ARF4: variants seen among roughly 807,000 people sequenced by gnomAD.
ARF4 encodes the protein ADP-ribosylation factor 4.
Under a neutral mutation model 24.3 loss-of-function variants are expected in ARF4, and 5 were observed. The observed-to-expected ratio is 0.21, with a 90% CI of 0.11 to 0.43. The LOEUF (loss-of-function observed/expected upper bound fraction) is 0.43. Ranked by LOEUF, ARF4 falls within the 20% of genes least tolerant of loss-of-function variation. The pLI, the probability that ARF4 is intolerant of heterozygous loss-of-function variation, is 1.00. For missense variants in ARF4, 107 were observed against 213.0 expected (o/e 0.50, Z 3.10); for synonymous variants, 62 against 73.5 (o/e 0.84, Z 0.80).
intron 3 of ARF4, among the ~76,000 whole-genome samples, chr3:57,579,253 C>CAAAAAAAA (rs764058520): frequency 1.7e-4 from 8 of 47,578 alleles, no homozygotes; most frequent in South Asian, 1.4e-3. Flanking sequence ...AACTACATCT[C>CAAAAAAAA]AAAAAAAAAA....
chr3:57,589,188 A>G (rs971598031), intron 1 of ARF4, among the ~76,000 whole-genome samples: 1 of 151,916 alleles, frequency 6.6e-6, no homozygotes, highest in Non-Finnish European at 1.5e-5. Context: ...GGATCACTTG[A>G]CCCCAGGAGG....
chr3:57,579,253 C>CAAAAAAAAAAAAAAAAAA (rs764058520), intron 3 of ARF4, among the ~76,000 whole-genome samples: 1 of 47,612 alleles, frequency 2.1e-5, no homozygotes, highest in Non-Finnish European at 3.5e-5. Flanking sequence ...AACTACATCT[C>CAAAAAAAAAAAAAAAAAA]AAAAAAAAAA....
At chr3:57,573,451 T>C (rs1239949584) in intron 5 of ARF4, among the ~76,000 whole-genome samples, 4 of 152,200 alleles carry the variant, frequency 2.6e-5, no homozygotes, top group Non-Finnish European at 5.9e-5. Flanking sequence ...ACTGCAGGTA[T>C]ACCATGTTGC....
intron 1 of ARF4, among the ~76,000 whole-genome samples, chr3:57,595,953 A>G (rs560253628): frequency 7.1e-6 from 1 of 140,248 alleles, no homozygotes; most frequent in Admixed American, 7.1e-5. Context: ...CTCCGTCTGC[A>G]AAAAAAAAAA....
intron 5 of ARF4, among the ~76,000 whole-genome samples, chr3:57,574,872 G>A (rs541165621): frequency 1.4e-5 from 2 of 145,312 alleles, no homozygotes; most frequent in Non-Finnish European, 1.5e-5. Context: ...TTTTGAGACC[G>A]AGTTTCGCTC....
chr3:57,576,244 T>G (rs2069901286), intron 4 of ARF4, among the ~76,000 whole-genome samples: 1 of 152,122 alleles, frequency 6.6e-6, no homozygotes, highest in African/African-American at 2.4e-5. Context: ...AAGAACACAT[T>G]GTATGTTTTC....
rs1331825323 is a variant in ARF4 at position 57,585,916 on chromosome 3, C to A, written c.68-1452G>T. 2.6e-5 allele frequency among the ~76,000 whole-genome samples: 4 copies of A among 152,086 alleles called. No homozygotes were observed. The East Asian group carries it at 5.8e-4, about 22-fold the overall frequency. On this transcript the variant is annotated intron_variant, in intron 1 of 5. Coordinates refer to ENST00000303436, the MANE Select transcript of ARF4 (RefSeq NM_001660.4). ...ACCTCGGGTGATCTGCCCGCCTCAG[C>A]CTCTCAAAGTGCTGTGATTACAGAT...
At chr3:57,582,717 A>C (rs7641375) in intron 3 of ARF4, among the ~76,000 whole-genome samples, 88,957 of 148,976 alleles carry the variant, frequency 0.6, 26,923 homozygotes, top group South Asian at 0.8. Flanking sequence ...AAGTCTTAAA[A>C]ATATAAAGTG....
At chr3:57,581,131 G>A (rs1193083968) in intron 3 of ARF4, among the ~76,000 whole-genome samples, 1 of 152,208 alleles carries the variant, frequency 6.6e-6, no homozygotes, top group African/African-American at 2.4e-5. Flanking sequence ...GGAATTATAA[G>A]AGGAATTTAC....
chr3:57,588,721 C>G (rs2070068212), intron 1 of ARF4, among the ~76,000 whole-genome samples: 2 of 143,488 alleles, frequency 1.4e-5, no homozygotes, highest in African/African-American at 5.3e-5. Flanking sequence ...TGTTGGGAGG[C>G]TGAGGCAGGT....
intron 1 of ARF4, 30 bp downstream of exon 1, chr3:57,597,044 G>T: frequency 6.2e-7 from 1 of 1,610,534 alleles, no homozygotes; most frequent in Non-Finnish European, 8.5e-7. Context: ...CCTTTCCCAG[G>T]TCCCGCCTGA....
Position 57,571,758 on chromosome 3 carries a change from G to A in ARF4, c.*454C>T, listed in dbSNP as rs1283241163. On this transcript the variant is annotated 3_prime_UTR_variant, in exon 6 of 6. Coordinates refer to ENST00000303436, the MANE Select transcript of ARF4 (RefSeq NM_001660.4). ...AGTGTTTTGGATCTTTCTCTGGCTG[G>A]TACAAGCAGTATTAGAAAATCTTTT... 1 of 164,114 alleles carries A rather than the reference G, an allele frequency of 6.1e-6. No individual in the cohort carries two copies. The highest frequency in any genetic ancestry group is 1.3e-5 in the Non-Finnish European group (1 of 75,092). 10.2% of individuals were successfully genotyped at this position (164,114 alleles called of 1,614,324 possible).
intron 1 of ARF4, among the ~76,000 whole-genome samples, chr3:57,593,068 A>G (rs2153409485): frequency 6.6e-6 from 1 of 152,224 alleles, no homozygotes; most frequent in East Asian, 1.9e-4. Context: ...TTAGCCGGGC[A>G]TAGTGGCGCC....
intron 3 of ARF4, among the ~76,000 whole-genome samples, chr3:57,578,061 C>CA (rs2069928111): frequency 6.6e-6 from 1 of 151,676 alleles, no homozygotes; most frequent in South Asian, 2.1e-4. Context: ...AAAAAACAAA[C>CA]AAAAAAACCC....
At chr3:57,588,122 A>G (rs1004698814) in intron 1 of ARF4, among the ~76,000 whole-genome samples, 4 of 152,232 alleles carry the variant, frequency 2.6e-5, no homozygotes, top group African/African-American at 9.6e-5. Flanking sequence ...ACTAGCCAAG[A>G]TAAGACTAAT....
chr3:57,577,482 T>G, intron 3 of ARF4, 95 bp from the exon 4 acceptor site: 1 of 923,716 alleles, frequency 1.1e-6, no homozygotes, highest in Non-Finnish European at 1.7e-6. Flanking sequence ...GGTTAGACAT[T>G]AGGAAGAAAA....
At chr3:57,592,276 G>A (rs942457899) in intron 1 of ARF4, among the ~76,000 whole-genome samples, 4 of 152,062 alleles carry the variant, frequency 2.6e-5, no homozygotes, top group Admixed American at 1.3e-4. Context: ...ATCACCTGAG[G>A]TCAGGAGTTT....
intron 1 of ARF4, among the ~76,000 whole-genome samples, chr3:57,590,312 C>T (rs1446288321): frequency 6.6e-6 from 1 of 151,252 alleles, no homozygotes; most frequent in African/African-American, 2.4e-5. Context: ...TGGTGAAACC[C>T]TGTCTCTACT....
At chr3:57,576,955 A>G (rs112102941) in intron 4 of ARF4, among the ~76,000 whole-genome samples, 4 of 152,146 alleles carry the variant, frequency 2.6e-5, no homozygotes, top group African/African-American at 9.6e-5. Context: ...GGTCAAAACC[A>G]CTACAGCACT....
Sources: gnomAD v4.1 joint callset for allele counts (sites outside exome capture counted in the v4.1 genomes callset) on GRCh38, gnomAD v4.1.1 for gene constraint, MANE v1.5 for transcripts, NCBI Gene and HGNC (gene_info 2026-07-23, HGNC 2026-07-21) for gene names.